ALG12: variants seen among roughly 807,000 people sequenced by gnomAD.
ALG12 encodes ALG12 alpha-1,6-mannosyltransferase, also known as dol-P-Man:Man(7)GlcNAc(2)-PP-Dol alpha-1,6-mannosyltransferase.
In ALG12, 36 loss-of-function variants were observed where a neutral mutation model predicts 46.0. The observed-to-expected ratio is 0.78, with a 90% CI of 0.60 to 1.03. ALG12 has a LOEUF of 1.03. ALG12 is among the 50% of genes least tolerant of loss of function. ALG12 has a pLI of 0.00. For missense variants in ALG12, 599 were observed against 633.5 expected, an observed-to-expected ratio of 0.95 and a Z score of 0.58; for synonymous variants, 326 against 291.6, an observed-to-expected ratio of 1.12 and a Z score of -1.20.
chr22:49,873,893 G>A, the ALG12 span, among the ~76,000 whole-genome samples: 1 of 152,228 alleles, frequency 6.6e-6, no homozygotes, highest in African/African-American at 2.4e-5. Context: ...ATCCTGGAAT[G>A]AGAACATAAG....
intron 5 of ALG12, 30 bp downstream of exon 5, chr22:49,909,864 G>T: frequency 6.2e-7 from 1 of 1,613,786 alleles, no homozygotes; most frequent in Non-Finnish European, 8.5e-7. Context: ...ACAAAATCCA[G>T]TTAGAAGCAT....
chr22:49,884,969 T>G, the ALG12 span: 1 of 1,613,018 alleles, frequency 6.2e-7, no homozygotes. Flanking sequence ...GCTGATGGGC[T>G]GAGTCCTAGA....
intron 3 of ALG12, among the ~76,000 whole-genome samples, 168 bp from the exon 4 acceptor site, chr22:49,910,775 G>C (rs2060572239): frequency 6.6e-6 from 1 of 152,250 alleles, no homozygotes; most frequent in Non-Finnish European, 1.5e-5. Context: ...TCGTCTCCAT[G>C]TTGAAAACAG....
chr22:49,869,203 C>T, the ALG12 span, among the ~76,000 whole-genome samples: 2 of 151,300 alleles, frequency 1.3e-5, no homozygotes, highest in East Asian at 3.9e-4. Flanking sequence ...GCAGAGTTGG[C>T]GGTGTCAGTG....
rs1486706324 is a variant in ALG12 at position 49,910,441 on chromosome 22, C to A, written c.462G>T (p.Leu154=). The change falls in exon 4 of 10, where the codon CTG becomes CTT. Residue 154 remains leucine, a synonymous_variant. Transcript: ENST00000330817. ...CTRTLPNVLA[L]PVVLLALAAW... ...CGGCCGGCAGCTACGTACCTACAGG[C>A]AGGGCCAGCACATTGGGCAGTGTCC... is the stretch of plus-strand genomic sequence containing the variant. The A allele has an allele frequency of 1.2e-6, 2 of 1,613,300 alleles. No individual in the cohort carries two copies. The highest frequency in any genetic ancestry group is 1.7e-6 in the Non-Finnish European group (2 of 1,179,934).
the ALG12 span, among the ~76,000 whole-genome samples, chr22:49,882,247 T>C: frequency 1.3e-5 from 2 of 152,290 alleles, no homozygotes; most frequent in Middle Eastern, 3.4e-3. Flanking sequence ...GCATGCCCAG[T>C]AATACTTTAA....
At position 49,902,990 on chromosome 22, in the gene ALG12, G is replaced by A; in HGVS notation, c.*848C>T. 6.0e-6 allele frequency: 2 copies of A among 331,906 alleles called. No homozygotes were observed. The highest frequency in any genetic ancestry group is 9.5e-5 in the Admixed American group (2 of 21,012). The allele number at this position is 331,906 out of a possible 1,614,324, so 20.6% of individuals were successfully genotyped here. On this transcript the variant is annotated 3_prime_UTR_variant, in exon 10 of 10. Coordinates refer to ENST00000330817, the MANE Select transcript of ALG12 (RefSeq NM_024105.4). ...TGTGCACTGTGTGCATGCGTGTGTGGTGTGTGTGCATGTATGCATGGTGTG... is the reference window on the plus strand; with the variant it reads ...TGTGCACTGTGTGCATGCGTGTGTGATGTGTGTGCATGTATGCATGGTGTG...
chr22:49,891,198 G>T, the ALG12 span, among the ~76,000 whole-genome samples: 4 of 152,142 alleles, frequency 2.6e-5, no homozygotes, highest in African/African-American at 2.4e-5. Context: ...TTTGTCTTCA[G>T]GATGGTACTG....
rs1491208775 is a variant in ALG12 at position 49,917,717 on chromosome 22, TTA to T, written c.-79+544_-79+545del. 6.6e-5 allele frequency among the ~76,000 whole-genome samples: 10 copies of T among 151,882 alleles called. No individual in the cohort carries two copies. The South Asian group carries it at 1.9e-3, about 28-fold the overall frequency. On this transcript the variant is annotated intron_variant, in intron 1 of 9. Coordinates refer to ENST00000330817, the MANE Select transcript of ALG12 (RefSeq NM_024105.4). ...AAATCAGATGTTACTTTTTTTTTTT[TTA>T]AATGTGCAGTGTTATCTGCACTCCT...
At chr22:49,886,372 G>A in the ALG12 span, 1 of 1,610,992 alleles carries the variant, frequency 6.2e-7, no homozygotes, top group Non-Finnish European at 8.5e-7. This position sits in a 1 kb window ranked among gnomAD's most constrained non-coding sequence, Gnocchi z 7.7. Context: ...GCGGCTCATT[G>A]AGCAGAAAAG....
the ALG12 span, chr22:49,888,556 C>A: frequency 0.66 from 110,458 of 167,156 alleles, 40,946 homozygotes; most frequent in East Asian, 0.85. Flanking sequence ...CACCTTAACC[C>A]CAGACAGGGC....
the ALG12 span, among the ~76,000 whole-genome samples, chr22:49,880,534 C>T: frequency 1.3e-5 from 2 of 152,230 alleles, no homozygotes; most frequent in Admixed American, 1.3e-4. Flanking sequence ...CTTCTGTGAT[C>T]ACTGTCCTGT....
At chr22:49,860,398 C>A in the ALG12 span, among the ~76,000 whole-genome samples, 1 of 152,114 alleles carries the variant, frequency 6.6e-6, no homozygotes, top group African/African-American at 2.4e-5. Context: ...TTAATAATAT[C>A]ATTGGCCTTG....
the ALG12 span, among the ~76,000 whole-genome samples, chr22:49,866,794 C>G: frequency 6.6e-6 from 1 of 152,104 alleles, no homozygotes; most frequent in African/African-American, 2.4e-5. Flanking sequence ...TACCACAAAC[C>G]GAGTGGCTTC....
At chr22:49,881,208 G>C in the ALG12 span, among the ~76,000 whole-genome samples, 2 of 152,228 alleles carry the variant, frequency 1.3e-5, no homozygotes, top group African/African-American at 4.8e-5. Flanking sequence ...AATTAGCCGG[G>C]TGTCATGGCA....
At chr22:49,872,554 T>A in the ALG12 span, among the ~76,000 whole-genome samples, 5 of 152,176 alleles carry the variant, frequency 3.3e-5, no homozygotes, top group African/African-American at 1.2e-4. Context: ...TTTAGAGATA[T>A]GGTCTTGCTC....
intron 5 of ALG12, 25 bp from the exon 6 acceptor site, chr22:49,909,372 T>C (rs1469536815): frequency 6.2e-7 from 1 of 1,611,180 alleles, no homozygotes; most frequent in Admixed American, 1.7e-5. Flanking sequence ...TAGAGTTTCT[T>C]AGTCGCAAAC....
chr22:49,909,569 C>CT (rs2060563481), intron 5 of ALG12, among the ~76,000 whole-genome samples: 1 of 151,844 alleles, frequency 6.6e-6, no homozygotes, highest in Non-Finnish European at 1.5e-5. Flanking sequence ...ATCTCTAAAA[C>CT]AAAAAAAGAA....
intron 4 of ALG12, 21 bp downstream of exon 4, chr22:49,910,413 G>A: frequency 1.2e-6 from 2 of 1,611,538 alleles, no homozygotes; most frequent in Non-Finnish European, 8.5e-7. Flanking sequence ...GGGTGTGCAG[G>A]CCCGGCCGGC....
Sources: gnomAD v4.1 joint callset for allele counts (sites outside exome capture counted in the v4.1 genomes callset) on GRCh38, gnomAD v4.1.1 for gene constraint, Gnocchi (gnomAD v3.1) non-coding constraint, MANE v1.5 for transcripts, NCBI Gene and HGNC (gene_info 2026-07-23, HGNC 2026-07-21) for gene names.